ADAMTS6: variants seen among roughly 807,000 people sequenced by gnomAD.
ADAMTS6 encodes A disintegrin and metalloproteinase with thrombospondin motifs 6.
ADAMTS6 carries 23 observed loss-of-function variants against 144.3 expected under a neutral mutation model. The observed-to-expected ratio is 0.16, with a 90% CI of 0.11 to 0.23. The LOEUF is 0.23. Ranked by LOEUF, ADAMTS6 falls within the 10% of genes least tolerant of loss-of-function variation. ADAMTS6 has a pLI of 1.00. For synonymous variants in ADAMTS6, 444 were observed against 457.5 expected (o/e 0.97, Z 0.38); for missense variants, 999 against 1,379.6 (o/e 0.72, Z 4.37).
In ADAMTS6 at chr5:65,334,024, A is replaced by AAC; in HGVS notation, c.1117+17_1117+18insGT. 1 of 1,397,924 alleles carries AAC rather than the reference A, an allele frequency of 7.2e-7. No individual in the cohort carries two copies. The highest frequency in any genetic ancestry group is 9.3e-7 in the Non-Finnish European group (1 of 1,074,672). 86.6% of individuals were successfully genotyped at this position (1,397,924 alleles called of 1,614,324 possible). On this transcript the variant is annotated intron_variant, in intron 8 of 24. Coordinates refer to ENST00000381055, the MANE Select transcript of ADAMTS6 (RefSeq NM_197941.4). The stretch of plus-strand genomic sequence containing the variant: ...AAAAAAAAAAAAAAAAAAAAAAAAA[A>AAC]AACCAAAAAAAACTTACCCAGTGTT...
chr5:65,423,106 G>A (rs1756211685), intron 7 of ADAMTS6, among the ~76,000 whole-genome samples: 1 of 152,156 alleles, frequency 6.6e-6, no homozygotes, highest in Non-Finnish European at 1.5e-5. Flanking sequence ...TTATAAATGG[G>A]AGCTAAGCAA....
rs6863551 is a variant in ADAMTS6 at position 65,416,517 on chromosome 5, G to A, written c.1073+34958C>T. Among the ~76,000 whole-genome samples, 1,213 of 151,998 alleles carry A rather than the reference G, an allele frequency of 8.0e-3. 19 individuals carry two copies. Among genetic ancestry groups the A allele is most frequent in the African/African-American group, 0.027 (1,119 of 41,478 alleles). On this transcript the variant is annotated intron_variant, in intron 7 of 24. Transcript: ENST00000381055. ...TATTAATAGCAGCATTATTCATAAT[G>A]GCCCAAAGGAGGCATCAATCCAAAA...
At chr5:65,347,155 C>G (rs1251805290) in intron 7 of ADAMTS6, among the ~76,000 whole-genome samples, 1 of 151,778 alleles carries the variant, frequency 6.6e-6, no homozygotes, top group Admixed American at 6.6e-5. Flanking sequence ...TAATCCCTAT[C>G]AAATTTCCAA....
intron 10 of ADAMTS6, among the ~76,000 whole-genome samples, chr5:65,293,106 C>T (rs912582452): frequency 6.6e-6 from 1 of 151,746 alleles, no homozygotes. Context: ...AGGTTAATGA[C>T]AAAGAGGTCA....
At chr5:65,404,103 T>C (rs977499844) in intron 7 of ADAMTS6, among the ~76,000 whole-genome samples, 1 of 152,166 alleles carries the variant, frequency 6.6e-6, no homozygotes, top group African/African-American at 2.4e-5. Context: ...AATTTTAGTA[T>C]TGTATATCAT....
intron 15 of ADAMTS6, 98 bp downstream of exon 15, chr5:65,242,006 T>C (rs1165717797): frequency 1.7e-5 from 12 of 693,370 alleles, no homozygotes; most frequent in Non-Finnish European, 2.4e-5. Context: ...TTTTAACTAG[T>C]ATGTACATGA....
chr5:65,174,413 C>T (rs955487952), intron 22 of ADAMTS6, among the ~76,000 whole-genome samples: 3 of 152,178 alleles, frequency 2.0e-5, no homozygotes, highest in Admixed American at 6.5e-5. Flanking sequence ...CCAGCTTGGC[C>T]GATGCGGATC....
chr5:65,252,791 A>G (rs77111100), intron 14 of ADAMTS6, among the ~76,000 whole-genome samples: 3,671 of 149,084 alleles, frequency 0.025, 160 homozygotes, highest in African/African-American at 0.088. Flanking sequence ...TGGGCTATGT[A>G]GACTGGGTTG....
At chr5:65,316,961 C>A (rs184009397) in intron 9 of ADAMTS6, among the ~76,000 whole-genome samples, 114 of 152,060 alleles carry the variant, frequency 7.5e-4, no homozygotes, top group African/African-American at 2.5e-3. Flanking sequence ...GCCATCAAGC[C>A]GGCTAATTTT....
At chr5:65,340,294 T>A (rs964846472) in intron 7 of ADAMTS6, among the ~76,000 whole-genome samples, 11 of 151,732 alleles carry the variant, frequency 7.2e-5, no homozygotes, top group African/African-American at 2.7e-4. Flanking sequence ...TTCAGAAATT[T>A]AAAAAAATAT....
At chr5:65,239,009 T>C (rs1758924926) in intron 15 of ADAMTS6, among the ~76,000 whole-genome samples, 1 of 152,034 alleles carries the variant, frequency 6.6e-6, no homozygotes, top group Non-Finnish European at 1.5e-5. Flanking sequence ...TCAAAGTTAA[T>C]GGAACTTAAA....
At chr5:65,327,880 TG>T (rs1746321307) in intron 9 of ADAMTS6, among the ~76,000 whole-genome samples, 2 of 152,226 alleles carry the variant, frequency 1.3e-5, no homozygotes, top group African/African-American at 4.8e-5. Flanking sequence ...ACCCACTGTA[TG>T]TTACTTTTCC....
Position 65,214,804 on chromosome 5 carries a change from A to G in ADAMTS6, c.2565T>C (p.Thr855=). Residue 855 remains threonine, a synonymous_variant, in exon 20 of 25, where the codon ACT becomes ACC. Transcript: ENST00000381055. The surrounding 1 kb of genome is among the most constrained non-coding windows in gnomAD (Gnocchi z 4.6). ...NHQPWSECSA[T]CAGGVQRQEV... Reference sequence around the variant, plus strand: ...TAGTGGGCATCTTACCTCCAGCACAAGTAGCTGAGCATTCTGACCAAGGCT... The same window carrying G: ...TAGTGGGCATCTTACCTCCAGCACAGGTAGCTGAGCATTCTGACCAAGGCT... 6.2e-7 allele frequency: 1 copy of G among 1,614,154 alleles called. No homozygotes were observed. The highest frequency in any genetic ancestry group is 8.5e-7 in the Non-Finnish European group (1 of 1,180,006).
chr5:65,445,088 A>T (rs944427814), intron 7 of ADAMTS6, among the ~76,000 whole-genome samples: 25 of 152,334 alleles, frequency 1.6e-4, no homozygotes, highest in African/African-American at 5.8e-4. Flanking sequence ...AGTACAATAC[A>T]TCCTTCTTTA....
At chr5:65,472,141 T>C (rs1413144570) in intron 2 of ADAMTS6, among the ~76,000 whole-genome samples, 1 of 152,226 alleles carries the variant, frequency 6.6e-6, no homozygotes, top group Non-Finnish European at 1.5e-5. Flanking sequence ...ATAATCAAAG[T>C]TCATTATCTA....
chr5:65,274,519 A>G (rs1762302634), intron 11 of ADAMTS6, among the ~76,000 whole-genome samples: 1 of 152,130 alleles, frequency 6.6e-6, no homozygotes, highest in Non-Finnish European at 1.5e-5. Context: ...TACAAACACA[A>G]TCAGAATTAA....
chr5:65,237,780 T>C (rs1379545543), intron 15 of ADAMTS6, among the ~76,000 whole-genome samples: 1 of 152,158 alleles, frequency 6.6e-6, no homozygotes, highest in African/African-American at 2.4e-5. Flanking sequence ...ATGGGGTTTA[T>C]CCTAGAAATA....
Position 65,380,121 on chromosome 5 carries a change from CT to C in ADAMTS6, c.1074-46037del, listed in dbSNP as rs1049186906. On this transcript the variant is annotated intron_variant, in intron 7 of 24. Coordinates refer to ENST00000381055, the MANE Select transcript of ADAMTS6 (RefSeq NM_197941.4). Reference sequence around the variant, plus strand: ...AATATAAAAATAGTATAAATCAGAACTTTTTTTTCTCCAGACAGCCATTTCA... The same window carrying C: ...AATATAAAAATAGTATAAATCAGAACTTTTTTTCTCCAGACAGCCATTTCA... Among the ~76,000 whole-genome samples the C allele has an allele frequency of 5.3e-5, 8 of 151,764 alleles. No individual in the cohort carries two copies. In the South Asian group the frequency reaches 8.3e-4, roughly 16 times the overall value.
At chr5:65,162,458 G>T (rs1253933704) in intron 24 of ADAMTS6, among the ~76,000 whole-genome samples, 1 of 152,102 alleles carries the variant, frequency 6.6e-6, no homozygotes, top group East Asian at 1.9e-4. Context: ...AAATATAGTT[G>T]AAATGGACAG....
Sources: gnomAD v4.1 joint callset for allele counts (sites outside exome capture counted in the v4.1 genomes callset) on GRCh38, gnomAD v4.1.1 for gene constraint, Gnocchi (gnomAD v3.1) non-coding constraint, MANE v1.5 for transcripts, NCBI Gene and HGNC (gene_info 2026-07-23, HGNC 2026-07-21) for gene names.